CELF1: variants seen among roughly 807,000 people sequenced by gnomAD.
CELF1 encodes 50 kDa nuclear polyadenylated RNA-binding protein.
In CELF1, 10 loss-of-function variants were observed where a neutral mutation model predicts 61.8. The observed-to-expected ratio is 0.16, with a 90% CI of 0.10 to 0.27. The LOEUF (loss-of-function observed/expected upper bound fraction) is 0.27, where lower values mean the gene tolerates loss of function less well. Ranked by LOEUF, CELF1 falls within the 10% of genes least tolerant of loss-of-function variation. The pLI is 1.00. For missense variants in CELF1, 380 were observed against 639.1 expected, an observed-to-expected ratio of 0.59 and a Z score of 4.37; for synonymous variants, 236 against 225.1, an observed-to-expected ratio of 1.05 and a Z score of -0.43.
intron 3 of CELF1, among the ~76,000 whole-genome samples, chr11:47,490,393 C>T (rs1398834877): frequency 2.0e-5 from 3 of 151,174 alleles, no homozygotes; most frequent in Non-Finnish European, 4.4e-5. Flanking sequence ...AAAATTGCCA[C>T]GTTCTAATAT....
intron 1 of CELF1, chr11:47,564,557 T>C (rs962727696): frequency 1.3e-5 from 2 of 152,212 alleles, no homozygotes; most frequent in African/African-American, 4.8e-5. Context: ...GCCAGCACTT[T>C]GGGAGGCTGA....
At chr11:47,478,319 A>G (rs980960489) in intron 10 of CELF1, among the ~76,000 whole-genome samples, 3 of 152,246 alleles carry the variant, frequency 2.0e-5, no homozygotes, top group Admixed American at 2.0e-4. Context: ...AAGCTGTCCC[A>G]TGCCCTACCC....
chr11:47,494,546 C>T (rs2092681785), intron 3 of CELF1: 3 of 910,808 alleles, frequency 3.3e-6, no homozygotes, highest in Non-Finnish European at 3.9e-6. Context: ...TTCTTGAACA[C>T]TCTCTTCTCT....
At chr11:47,533,586 G>T (rs557765194) in intron 1 of CELF1, among the ~76,000 whole-genome samples, 1 of 152,052 alleles carries the variant, frequency 6.6e-6, no homozygotes, top group Non-Finnish European at 1.5e-5. Context: ...TCGCACCACC[G>T]CACTCCAGCC....
chr11:47,521,397 A>G (rs1276643935), intron 1 of CELF1, among the ~76,000 whole-genome samples: 1 of 152,270 alleles, frequency 6.6e-6, no homozygotes, highest in Non-Finnish European at 1.5e-5. Context: ...CTCAAATAAC[A>G]AAGTGTGCTA....
chr11:47,503,679 T>TA (rs1205359839), intron 1 of CELF1, among the ~76,000 whole-genome samples: 2 of 152,200 alleles, frequency 1.3e-5, no homozygotes, highest in African/African-American at 4.8e-5. Context: ...TACAGTAACT[T>TA]AAATTTTTGC....
chr11:47,485,279 T>C (rs1163550513), intron 6 of CELF1, among the ~76,000 whole-genome samples: 2 of 151,306 alleles, frequency 1.3e-5, no homozygotes, highest in African/African-American at 2.4e-5. Context: ...CTGCCGGGTT[T>C]AAGCAATCTT....
chr11:47,531,355 G>C (rs1440063179), intron 1 of CELF1, among the ~76,000 whole-genome samples: 1 of 152,098 alleles, frequency 6.6e-6, no homozygotes, highest in African/African-American at 2.4e-5. Context: ...AGATCACACG[G>C]TTACAAGATA....
intron 1 of CELF1, among the ~76,000 whole-genome samples, chr11:47,511,318 G>A (rs2095142596): frequency 1.3e-5 from 2 of 152,180 alleles, no homozygotes; most frequent in Admixed American, 6.5e-5. Flanking sequence ...GGAGAGGCAG[G>A]CCCCAACTGT....
intron 1 of CELF1, among the ~76,000 whole-genome samples, chr11:47,520,334 C>G (rs771378099): frequency 2.0e-5 from 3 of 152,252 alleles, no homozygotes; most frequent in Non-Finnish European, 4.4e-5. Flanking sequence ...CTACCCTCCA[C>G]TGAATTACAT....
At chr11:47,556,308 G>C (rs2097205687), upstream of CELF1, among the ~76,000 whole-genome samples, 1 of 152,098 alleles carries the variant, frequency 6.6e-6, no homozygotes, top group South Asian at 2.1e-4. Flanking sequence ...CCAGAACCTT[G>C]TGAGTAGCTG....
chr11:47,521,707 T>C (rs1163967488), intron 1 of CELF1, among the ~76,000 whole-genome samples: 1 of 152,202 alleles, frequency 6.6e-6, no homozygotes, highest in African/African-American at 2.4e-5. Context: ...GGCACCAAGC[T>C]TGGTGTTTAT....
At chr11:47,511,007 C>A (rs1043762628) in intron 1 of CELF1, among the ~76,000 whole-genome samples, 1 of 151,786 alleles carries the variant, frequency 6.6e-6, no homozygotes, top group Non-Finnish European at 1.5e-5. Flanking sequence ...CATCATGAAA[C>A]CCTGTTGCTA....
intron 1 of CELF1, among the ~76,000 whole-genome samples, chr11:47,507,948 T>C (rs921014624): frequency 6.6e-6 from 1 of 152,064 alleles, no homozygotes; most frequent in Non-Finnish European, 1.5e-5. Context: ...TACTTGCACC[T>C]GCCTCTACCA....
rs59610157 is a variant in CELF1 at position 47,519,479 on chromosome 11, CTAAATAAATAAATAAATAAA to C, written c.-153-18567_-153-18548del. ...TGTGTGACAGAGCGAGACTCCATCTCTAAATAAATAAATAAATAAATAAATAAATAAATAAATAAATAAAT... is the reference window on the plus strand; with the variant it reads ...TGTGTGACAGAGCGAGACTCCATCTCTAAATAAATAAATAAATAAATAAAT... On this transcript the variant is annotated intron_variant, in intron 1 of 14. Coordinates refer to ENST00000687097, the MANE Select transcript of CELF1 (RefSeq NM_001376376.1). Among the ~76,000 whole-genome samples, 349 of 145,026 alleles carry C rather than the reference CTAAATAAATAAATAAATAAA, an allele frequency of 2.4e-3. 1 individual carries two copies. Among genetic ancestry groups the C allele is most frequent in the Middle Eastern group, 0.014 (4 of 292 alleles).
chr11:47,508,675 A>AACACACACAC (rs10690121), intron 1 of CELF1, among the ~76,000 whole-genome samples: 2 of 148,950 alleles, frequency 1.3e-5, no homozygotes, highest in Non-Finnish European at 3.0e-5. Flanking sequence ...GGAAACCTCA[A>AACACACACAC]ACACACACAC....
At chr11:47,508,584 AAAC>A (rs1320761476) in intron 1 of CELF1, among the ~76,000 whole-genome samples, 3 of 134,630 alleles carry the variant, frequency 2.2e-5, no homozygotes, top group African/African-American at 5.4e-5. Context: ...AAAAAAAAAA[AAAC>A]CCAAAAGAAC....
At chr11:47,528,499 C>T (rs561383507) in intron 1 of CELF1, among the ~76,000 whole-genome samples, 24 of 152,002 alleles carry the variant, frequency 1.6e-4, no homozygotes, top group African/African-American at 5.5e-4. Flanking sequence ...ATCTGTAATA[C>T]AAGCACTTTG....
intron 9 of CELF1, among the ~76,000 whole-genome samples, chr11:47,482,081 T>C (rs2083593031): frequency 6.6e-6 from 1 of 152,118 alleles, no homozygotes; most frequent in South Asian, 2.1e-4. Flanking sequence ...TGTGTGTCTG[T>C]AGTCCCAGCT....
Sources: gnomAD v4.1 joint callset for allele counts (sites outside exome capture counted in the v4.1 genomes callset) on GRCh38, gnomAD v4.1.1 for gene constraint, MANE v1.5 for transcripts, NCBI Gene and HGNC (gene_info 2026-07-23, HGNC 2026-07-21) for gene names.